SLC4A3: variants seen among roughly 807,000 people sequenced by gnomAD.
The protein encoded by SLC4A3 is solute carrier family 4 member 3, also known as anion exchange protein 3.
In SLC4A3, 47 loss-of-function variants were observed where a neutral mutation model predicts 114.2. The observed-to-expected ratio is 0.41, with a 90% CI of 0.33 to 0.52. SLC4A3 has a LOEUF of 0.52. SLC4A3 is among the 20% of genes least tolerant of loss of function. The pLI is 0.21. For missense variants in SLC4A3, 1,312 were observed against 1,668.3 expected (o/e 0.79, Z 3.72); for synonymous variants, 693 against 710.3 (o/e 0.98, Z 0.39).
In SLC4A3 at chr2:219,632,959, C is replaced by A. The variant is rs750982676; in HGVS notation, c.1227C>A (p.Ile409=). 6.2e-7 allele frequency: 1 copy of A among 1,614,084 alleles called. No homozygotes were observed. The highest frequency in any genetic ancestry group is 1.7e-5 in the Admixed American group (1 of 60,016). ...AGACCATGATTGTGTCTGACCAGAT[C>A]CGGCCGGAGGACAGGGCCAGCGTCC... ...VVETMIVSDQ[I]RPEDRASVLR... The change falls in exon 9 of 23, where the codon ATC becomes ATA. Residue 409 remains isoleucine (I), a synonymous_variant. Transcript: ENST00000358055.
Position 219,636,904 on chromosome 2 carries a change from C to G in SLC4A3, c.2535+30C>G. On this transcript the variant is annotated intron_variant, in intron 16 of 22. Coordinates refer to ENST00000358055, the MANE Select transcript of SLC4A3 (RefSeq NM_005070.4). The surrounding 1 kb of genome is among the most constrained non-coding windows in gnomAD (Gnocchi z 5.5). ...AGGTCCAGCGAGGTCTTGGGGGTGG[C>G]AGAGATGGAGGTGGACATTGCCCTG... 6.3e-7 allele frequency: 1 copy of G among 1,578,492 alleles called. No homozygotes were observed. The highest frequency in any genetic ancestry group is 1.1e-5 in the South Asian group (1 of 88,712).
chr2:219,631,868 T>G lies in SLC4A3; in HGVS notation c.812-100T>G. 2 of 1,311,534 alleles carry G rather than the reference T, an allele frequency of 1.5e-6. No homozygotes were observed. Among genetic ancestry groups the G allele is most frequent in the Non-Finnish European group, 2.1e-6 (2 of 948,830 alleles). 81.2% of individuals were successfully genotyped at this position (1,311,534 alleles called of 1,614,324 possible). A position where few individuals can be genotyped will look rare whatever the true frequency, so the allele number is the denominator to read the frequency against. On this transcript the variant is annotated intron_variant, in intron 6 of 22. Transcript: ENST00000358055. The surrounding 1 kb of genome is among the most constrained non-coding windows in gnomAD (Gnocchi z 6.3). ...CGTCGGCATGGCCTGTTGGTGACTGTAGAGCTCACCAAGTAGATGGGTTGG... is the reference window on the plus strand; with the variant it reads ...CGTCGGCATGGCCTGTTGGTGACTGGAGAGCTCACCAAGTAGATGGGTTGG...
chr2:219,627,837 T>C (rs1698767491), intron 1 of SLC4A3, 63 bp from the exon 2 acceptor site: 1 of 587,722 alleles, frequency 1.7e-6, no homozygotes, highest in African/African-American at 2.0e-5. Context: ...GCCGGGAGCG[T>C]GCATCCGGCT....
rs1187264494 is a variant in SLC4A3 at position 219,639,562 on chromosome 2, G to C, written c.3104G>C (p.Gly1035Ala). 1.2e-6 allele frequency: 2 copies of C among 1,614,100 alleles called. No homozygotes were observed. Among genetic ancestry groups the C allele is most frequent in the Non-Finnish European group, 8.5e-7 (1 of 1,180,030 alleles). The change falls in exon 20 of 23, where the codon GGG (glycine) becomes GCG (alanine). Residue 1035 changes from glycine (G) to alanine (A), a missense_variant. Transcript: ENST00000358055. The surrounding 1 kb of genome is among the most constrained non-coding windows in gnomAD (Gnocchi z 5.9). ...GACCTGCTCCTCATTGGCTCCCTGGGGGGGCTCTGTGGGCTGTTTGGGTTG... is the reference window on the plus strand; with the variant it reads ...GACCTGCTCCTCATTGGCTCCCTGGCGGGGCTCTGTGGGCTGTTTGGGTTG... ...HLDLLLIGSL[G>A]GLCGLFGLPW...
At position 219,630,467 on chromosome 2, in the gene SLC4A3, C is replaced by T; in HGVS notation, c.811+115C>T. On this transcript the variant is annotated intron_variant, in intron 6 of 22. Coordinates refer to ENST00000358055, the MANE Select transcript of SLC4A3 (RefSeq NM_005070.4). The surrounding 1 kb of genome is among the most constrained non-coding windows in gnomAD (Gnocchi z 6.9). Reference sequence around the variant, plus strand: ...GCTAAGGGCTGAGTCCTCTCTGAATCCCTGTCTGCTGGGATGTGGCCAGTG... The same window carrying T: ...GCTAAGGGCTGAGTCCTCTCTGAATTCCTGTCTGCTGGGATGTGGCCAGTG... 8.7e-7 allele frequency: 1 copy of T among 1,153,668 alleles called. No individual in the cohort carries two copies. The highest frequency in any genetic ancestry group is 1.2e-6 in the Non-Finnish European group (1 of 834,942). 71.5% of individuals were successfully genotyped at this position (1,153,668 alleles called of 1,614,324 possible).
In SLC4A3 at chr2:219,639,614, C is replaced by T. The variant is rs1699248041; in HGVS notation, c.3156C>T (p.Arg1052=). ...CCTGGCTCACGGCTGCCACGGTCCG[C>T]TCCGTCACCCATGTCAATGCGTTGA... ...GLPWLTAATV[R]SVTHVNALTV... is the part of the protein sequence containing the mutation. The change falls in exon 20 of 23, where the codon CGC becomes CGT. Residue 1052 remains arginine (R), a synonymous_variant. Transcript: ENST00000358055. The surrounding 1 kb of genome is among the most constrained non-coding windows in gnomAD (Gnocchi z 5.9). 3 of 1,614,002 alleles carry T rather than the reference C, an allele frequency of 1.9e-6. No individual in the cohort carries two copies. The highest frequency in any genetic ancestry group is 2.5e-6 in the Non-Finnish European group (3 of 1,180,036).
rs956884722 is a variant in SLC4A3 at position 219,629,206 on chromosome 2, A to C, written c.280A>C (p.Lys94Gln). Residue 94 changes from lysine (K) to glutamine (Q), a missense_variant, in exon 4 of 23, where the codon AAG (lysine) becomes CAG (glutamine). Physicochemically the swap from Lys to Gln is moderately conservative, Grantham distance 53. Coordinates refer to ENST00000358055, the MANE Select transcript of SLC4A3 (RefSeq NM_005070.4). ...CTCAGCGCGCCTGCCTCCACCCCAC[A>C]AGCTGCGGCGGCTGCCCCCCACCTC... ...PLSARLPPPH[K>Q]LRRLPPTSAR... 1.9e-6 allele frequency: 3 copies of C among 1,612,626 alleles called. No homozygotes were observed. The African/African-American group carries it at 4.0e-5, about 22-fold the overall frequency.
rs745695529 is a variant in SLC4A3, at chr2:219,630,404, C to T, written c.811+52C>T. On this transcript the variant is annotated intron_variant, in intron 6 of 22. Transcript: ENST00000358055. The surrounding 1 kb of genome is among the most constrained non-coding windows in gnomAD (Gnocchi z 6.9). ...ATGGTCCACTGCGACGGACTCCCAG[C>T]CTGCGAGTGACCTTGGAGAGGCTCT... is the stretch of plus-strand genomic sequence containing the variant. 7.8e-6 allele frequency: 12 copies of T among 1,533,450 alleles called. No individual in the cohort carries two copies. Among genetic ancestry groups the T allele is most frequent in the Non-Finnish European group, 1.1e-5 (12 of 1,138,552 alleles). The allele number at this position is 1,533,450 out of a possible 1,614,324, so 95.0% of individuals were successfully genotyped here. A position where few individuals can be genotyped will look rare whatever the true frequency, so the allele number is the denominator to read the frequency against.
At position 219,635,848 on chromosome 2, in the gene SLC4A3, C is replaced by T. The variant is rs748273218; in HGVS notation, c.2148C>T (p.Tyr716=). ...SQCVAAVLFI[Y]FAALSPAITF... ...GTGTGGCCGCTGTGCTCTTCATCTA[C>T]TTCGCAGCCCTCAGCCCTGCCATCA... Residue 716 remains tyrosine (Y), a synonymous_variant, in exon 14 of 23, where the codon TAC becomes TAT. Transcript: ENST00000358055. 3.2e-6 allele frequency: 5 copies of T among 1,568,214 alleles called. No homozygotes were observed. The highest frequency in any genetic ancestry group is 2.3e-5 in the East Asian group (1 of 44,292).
rs770803610 is a variant in SLC4A3 at position 219,632,992 on chromosome 2, C to A, written c.1260C>A (p.Thr420=). ...AGGACAGGGCCAGCGTCCTACGTACCCTGCTACTGAAGCACAGGTGCCGGG... is the reference window on the plus strand; with the variant it reads ...AGGACAGGGCCAGCGTCCTACGTACACTGCTACTGAAGCACAGGTGCCGGG... The part of the protein sequence containing the change: ...RPEDRASVLR[T]LLLKHSHPND... Residue 420 remains threonine (T), a synonymous_variant, in exon 9 of 23, where the codon ACC becomes ACA. Coordinates refer to ENST00000358055, the MANE Select transcript of SLC4A3 (RefSeq NM_005070.4). 5 of 1,614,022 alleles carry A rather than the reference C, an allele frequency of 3.1e-6. No homozygotes were observed. The highest frequency in any genetic ancestry group is 4.2e-6 in the Non-Finnish European group (5 of 1,180,002).
intron 7 of SLC4A3, 49 bp downstream of exon 7, chr2:219,632,165 C>T: frequency 1.2e-6 from 2 of 1,607,004 alleles, no homozygotes; most frequent in Non-Finnish European, 1.7e-6. Flanking sequence ...GCCCCTCGGC[C>T]CCGGAGCCCT....
At position 219,632,086 on chromosome 2, in the gene SLC4A3, G is replaced by A; in HGVS notation, c.930G>A (p.Lys310=). Residue 310 remains lysine (K), a synonymous_variant, in exon 7 of 23, where the codon AAG becomes AAA. Coordinates refer to ENST00000358055, the MANE Select transcript of SLC4A3 (RefSeq NM_005070.4). ...CCCCCATCCTTCGCAGGAAGAAGAA[G>A]AAGAAAAAGCTGGACCGGAGGCCTC... ...GLAPILRRKK[K]KKKLDRRPHE... is the part of the protein sequence containing the mutation. The A allele has an allele frequency of 6.2e-7, 1 of 1,613,790 alleles. No individual in the cohort carries two copies. The highest frequency in any genetic ancestry group is 8.5e-7 in the Non-Finnish European group (1 of 1,179,978).
Position 219,633,350 on chromosome 2 carries a change from A to AATC in SLC4A3, c.1359_1361dup (p.His454dup), listed in dbSNP as rs771145994. 2 of 1,607,456 alleles carry AATC rather than the reference A, an allele frequency of 1.2e-6. No homozygotes were observed. Among genetic ancestry groups the AATC allele is most frequent in the South Asian group, 2.2e-5 (2 of 90,406 alleles). ...CTCCAGCATGAACTCGGTTCTGGGG[A>AATC]ATCATCACCCAACTCCCAGCCATGG... is the stretch of plus-strand genomic sequence containing the variant. On this transcript the variant is annotated inframe_insertion, in exon 10 of 23. Transcript: ENST00000358055.
Position 219,632,326 on chromosome 2 carries a change from C to T in SLC4A3, c.1025C>T (p.Ala342Val). 6.2e-7 allele frequency: 1 copy of T among 1,614,076 alleles called. No individual in the cohort carries two copies. The highest frequency in any genetic ancestry group is 8.5e-7 in the Non-Finnish European group (1 of 1,180,020). The change falls in exon 8 of 23, where the codon GCC becomes GTC. Residue 342 changes from alanine (A) to valine (V), a missense_variant. Coordinates refer to ENST00000358055, the MANE Select transcript of SLC4A3 (RefSeq NM_005070.4). ...CAGGAGCCCCACTGGCGGGAGACGG[C>T]CCGCTGGATCAAGTTTGAGGAGGAC... ...RSQEPHWRET[A>V]RWIKFEEDVE...
chr2:219,635,419 T>C lies in SLC4A3; in HGVS notation c.1895T>C (p.Leu632Pro). 6.2e-7 allele frequency: 1 copy of C among 1,614,140 alleles called. No homozygotes were observed. Among genetic ancestry groups the C allele is most frequent in the Non-Finnish European group, 8.5e-7 (1 of 1,180,008 alleles). Residue 632 changes from leucine to proline, a missense_variant, in exon 13 of 23, where the codon CTG (leucine) becomes CCG (proline). By Grantham distance (98) the Leu-to-Pro change is moderately conservative (BLOSUM62 -3). Coordinates refer to ENST00000358055, the MANE Select transcript of SLC4A3 (RefSeq NM_005070.4). ...LRSVAAFQRE[L>P]LRKRREREQT... ...TCCGTGGCTGCTTTCCAGCGAGAGC[T>C]GCTTAGGAAGCGGCGAGAGCGTGAA...
Position 219,633,628 on chromosome 2 carries a change from G to C in SLC4A3, c.1461+171G>C, listed in dbSNP as rs2289782. On this transcript the variant is annotated intron_variant, in intron 10 of 22. Coordinates refer to ENST00000358055, the MANE Select transcript of SLC4A3 (RefSeq NM_005070.4). Reference sequence around the variant, plus strand: ...TGAGGGGTCCCTGCCCTGAGACGCAGGAGTTTTGAATGTGATGATGTGGCA... The same window carrying C: ...TGAGGGGTCCCTGCCCTGAGACGCACGAGTTTTGAATGTGATGATGTGGCA... Among the ~76,000 whole-genome samples, 31,921 of 152,268 alleles carry C rather than the reference G, an allele frequency of 0.21. 3,571 individuals carry two copies. Among genetic ancestry groups the C allele is most frequent in the South Asian group, 0.31 (1,483 of 4,826 alleles).
At position 219,634,511 on chromosome 2, in the gene SLC4A3, G is replaced by A. The variant is rs138294583; in HGVS notation, c.1653G>A (p.Pro551=). ...AGTCTGTGCTTGAGGTCCCTGTCCC[G>A]GTCCGCTTCCTCTTCGTGATGCTGG... ...LLESVLEVPV[P]VRFLFVMLGP... is the part of the protein sequence containing the mutation. The change falls in exon 12 of 23, where the codon CCG becomes CCA. Residue 551 remains proline, a synonymous_variant. Coordinates refer to ENST00000358055, the MANE Select transcript of SLC4A3 (RefSeq NM_005070.4). 1,496 of 1,614,182 alleles carry A rather than the reference G, an allele frequency of 9.3e-4. 12 individuals are homozygous for A. The highest frequency in any genetic ancestry group is 5.5e-3 in the South Asian group (505 of 91,080).
Position 219,635,868 on chromosome 2 carries a change from C to T in SLC4A3, c.2168C>T (p.Ala723Val), listed in dbSNP as rs1699101212. 2.6e-6 allele frequency: 4 copies of T among 1,535,954 alleles called. No homozygotes were observed. The highest frequency in any genetic ancestry group is 4.3e-5 in the Admixed American group (2 of 46,864). Residue 723 changes from alanine (A) to valine (V), a missense_variant, in exon 14 of 23, where the codon GCC becomes GTC. Coordinates refer to ENST00000358055, the MANE Select transcript of SLC4A3 (RefSeq NM_005070.4). ...LFIYFAALSP[A>V]ITFGGLLGEK... ...ATCTACTTCGCAGCCCTCAGCCCTG[C>T]CATCACCTTCGGGGGGCTGCTGGGT...
chr2:219,633,976 G>GC lies in SLC4A3; in HGVS notation c.1558_1559insC (p.Val520AlafsTer19). 6.4e-7 allele frequency: 1 copy of GC among 1,552,676 alleles called. No individual in the cohort carries two copies. Among genetic ancestry groups the GC allele is most frequent in the Non-Finnish European group, 8.7e-7 (1 of 1,147,370 alleles). On this transcript the variant is annotated frameshift_variant, in exon 11 of 23. Coordinates refer to ENST00000358055, the MANE Select transcript of SLC4A3 (RefSeq NM_005070.4). LOFTEE classifies it high-confidence loss of function. Reference sequence around the variant, plus strand: ...AGATGCTGAGGCCACGGTTGTGCTTGTGGGTGAGGAGGGCCGGGCGCCGGG... The same window carrying GC: ...AGATGCTGAGGCCACGGTTGTGCTTGCTGGGTGAGGAGGGCCGGGCGCCGGG...
Sources: allele counts gnomAD v4.1 joint callset (sites outside exome capture counted in the v4.1 genomes callset), GRCh38; gene constraint gnomAD v4.1.1; non-coding constraint Gnocchi (gnomAD v3.1); transcripts MANE v1.5; gene names NCBI Gene and HGNC (gene_info 2026-07-23, HGNC 2026-07-21).